ACOT8: variants seen among roughly 807,000 people sequenced by gnomAD.
ACOT8 encodes the protein acyl-CoA thioesterase 8.
In ACOT8, 31 loss-of-function variants were observed where a neutral mutation model predicts 38.4. The ratio of observed to expected loss-of-function variants is 0.81; its 90% CI spans 0.61 to 1.09. ACOT8 has a LOEUF of 1.09. Among genes scored for constraint, ACOT8 ranks in the 50% least tolerant of loss-of-function variants. The pLI is 0.00. For missense variants in ACOT8, 373 were observed against 421.8 expected, an observed-to-expected ratio of 0.88 and a Z score of 1.01; for synonymous variants, 158 against 170.3, an observed-to-expected ratio of 0.93 and a Z score of 0.56.
chr20:45,857,331 A>C lies in ACOT8; in HGVS notation c.-16T>G. The stretch of plus-strand genomic sequence containing the variant: ...GGGACGACATCTAGTTCAATGCTGC[A>C]GGCCCTGCACACCCGCTCCGCGGAA... On this transcript the variant is annotated 5_prime_UTR_variant, in exon 1 of 6. Coordinates refer to ENST00000217455, the MANE Select transcript of ACOT8 (RefSeq NM_005469.4). 6.3e-7 allele frequency: 1 copy of C among 1,589,554 alleles called. No homozygotes were observed. The highest frequency in any genetic ancestry group is 8.6e-7 in the Non-Finnish European group (1 of 1,169,020).
At chr20:45,853,936 A>G (rs897230408) in intron 2 of ACOT8, 16 of 1,304,320 alleles carry the variant, frequency 1.2e-5, no homozygotes, top group Non-Finnish European at 1.5e-5. Context: ...AAAGGTCCAC[A>G]AACTCTTCTC....
At position 45,857,186 on chromosome 20, in the gene ACOT8, A is replaced by G; in HGVS notation, c.128+2T>C. 6.2e-7 allele frequency: 1 copy of G among 1,612,420 alleles called. No individual in the cohort carries two copies. Among genetic ancestry groups the G allele is most frequent in the Non-Finnish European group, 8.5e-7 (1 of 1,178,918 alleles). The stretch of plus-strand genomic sequence containing the variant: ...GGATGCTGGGCAGGAGCTGCCGGCT[A>G]CCTGAAGAGATCCTCGTCCAGCGGC... On this transcript the variant is annotated splice_donor_variant, in intron 1 of 5. Transcript: ENST00000217455. LOFTEE classifies it high-confidence loss of function.
At chr20:45,844,564 G>A (rs1438370872) in intron 3 of ACOT8, 144 bp from the exon 4 acceptor site, 1 of 953,192 alleles carries the variant, frequency 1.0e-6, no homozygotes, top group East Asian at 2.6e-5. Flanking sequence ...GCAGGATAGT[G>A]CAGCGTTTGA....
At chr20:45,843,347 G>A in intron 5 of ACOT8, 180 bp downstream of exon 5, 1 of 854,338 alleles carries the variant, frequency 1.2e-6, no homozygotes, top group Non-Finnish European at 1.9e-6. Flanking sequence ...ATTTAGAGCA[G>A]AGCAGGTGTC....
intron 3 of ACOT8, among the ~76,000 whole-genome samples, chr20:45,845,701 T>G (rs1370558597): frequency 6.6e-6 from 1 of 152,172 alleles, no homozygotes; most frequent in Non-Finnish European, 1.5e-5. Context: ...GGACAGAACC[T>G]CCTATGATGA....
chr20:45,844,162 A>T lies in ACOT8; in HGVS notation c.646+101T>A, dbSNP rs771353298. 18 of 1,515,254 alleles carry T rather than the reference A, an allele frequency of 1.2e-5. 1 individual carries two copies. Among genetic ancestry groups the T allele is most frequent in the Non-Finnish European group, 1.0e-5 (11 of 1,096,294 alleles). 93.9% of individuals were successfully genotyped at this position (1,515,254 alleles called of 1,614,324 possible). ...AACTTCCCCATCATGCAGATAAGGA[A>T]ACAGGCCCAGAGAAGGGAACTCATG... On this transcript the variant is annotated intron_variant, in intron 4 of 5. Coordinates refer to ENST00000217455, the MANE Select transcript of ACOT8 (RefSeq NM_005469.4).
chr20:45,851,893 CT>C (rs1985086242), intron 2 of ACOT8, among the ~76,000 whole-genome samples: 1 of 152,208 alleles, frequency 6.6e-6, no homozygotes, highest in Admixed American at 6.5e-5. Context: ...CTTTCCTGGG[CT>C]TTTAGAAAAA....
intron 5 of ACOT8, chr20:45,843,201 T>A (rs1367502042): frequency 1.2e-5 from 6 of 492,038 alleles, no homozygotes; most frequent in Non-Finnish European, 2.1e-5. Context: ...TGTAACCCTC[T>A]TTGTTTAGAT....
At chr20:45,854,096 C>T (rs1172769688) in intron 2 of ACOT8, 3 of 680,140 alleles carry the variant, frequency 4.4e-6, no homozygotes, top group East Asian at 6.6e-5. Flanking sequence ...GACAAGGTCT[C>T]GATTTATTGC....
rs1984484926 is a variant in ACOT8 at position 45,844,122 on chromosome 20, G to A, written c.646+141C>T. On this transcript the variant is annotated intron_variant, in intron 4 of 5. Coordinates refer to ENST00000217455, the MANE Select transcript of ACOT8 (RefSeq NM_005469.4). ...CATGCAAAGGGCTGAGAGGGCCCAG[G>A]TGAGAAGCTAAGCCAACTTCCCCAT... is the stretch of plus-strand genomic sequence containing the variant. 4 of 1,185,526 alleles carry A rather than the reference G, an allele frequency of 3.4e-6. No individual in the cohort carries two copies. The East Asian group carries it at 7.5e-5, about 22-fold the overall frequency. 73.4% of individuals were successfully genotyped at this position (1,185,526 alleles called of 1,614,324 possible). A position where few individuals can be genotyped will look rare whatever the true frequency, so the allele number is the denominator to read the frequency against.
At chr20:45,854,399 A>T (rs1466194320) in intron 2 of ACOT8, among the ~76,000 whole-genome samples, 1 of 152,066 alleles carries the variant, frequency 6.6e-6, no homozygotes, top group East Asian at 1.9e-4. Flanking sequence ...TTTAGTAGAG[A>T]CGGGGTTTCA....
intron 5 of ACOT8, chr20:45,843,138 G>C (rs752961489): frequency 6.9e-6 from 6 of 870,294 alleles, no homozygotes; most frequent in South Asian, 1.8e-5. Flanking sequence ...TTTTGAAAAG[G>C]CATCCCCAAA....
intron 3 of ACOT8, 43 bp from the exon 4 acceptor site, chr20:45,844,463 G>A: frequency 6.2e-7 from 1 of 1,602,634 alleles, no homozygotes; most frequent in Non-Finnish European, 8.5e-7. Flanking sequence ...CCCAGGAAGA[G>A]AGGGAGTCAC....
intron 3 of ACOT8, among the ~76,000 whole-genome samples, chr20:45,844,636 T>C (rs907625871): frequency 6.6e-5 from 10 of 152,142 alleles, no homozygotes; most frequent in African/African-American, 2.4e-4. Context: ...TGAGTCTATT[T>C]TCCCATCTGC....
intron 5 of ACOT8, chr20:45,842,406 A>G (rs1206862977): frequency 3.4e-6 from 4 of 1,193,120 alleles, no homozygotes; most frequent in Non-Finnish European, 4.2e-6. Flanking sequence ...TGTACCTCTG[A>G]CCACTTGTGT....
At chr20:45,852,536 TA>T (rs1187217704) in intron 2 of ACOT8, among the ~76,000 whole-genome samples, 1 of 152,116 alleles carries the variant, frequency 6.6e-6, no homozygotes, top group Non-Finnish European at 1.5e-5. Flanking sequence ...CACAAACAGA[TA>T]AGAGCTCTCC....
At chr20:45,852,725 C>T (rs1023477720) in intron 2 of ACOT8, among the ~76,000 whole-genome samples, 1 of 152,092 alleles carries the variant, frequency 6.6e-6, no homozygotes, top group Non-Finnish European at 1.5e-5. Context: ...TATCTTGCAG[C>T]CTTTCAAGAC....
chr20:45,846,217 G>A (rs1156374941), intron 3 of ACOT8, among the ~76,000 whole-genome samples: 1 of 152,156 alleles, frequency 6.6e-6, no homozygotes, highest in African/African-American at 2.4e-5. Context: ...CTAAATTCAA[G>A]GTCCTTTAAC....
chr20:45,844,746 T>A (rs566069670), intron 3 of ACOT8, among the ~76,000 whole-genome samples: 15 of 152,328 alleles, frequency 9.8e-5, no homozygotes, highest in African/African-American at 3.4e-4. Context: ...GCATACCCTG[T>A]AATATGCACT....
Sources: allele counts gnomAD v4.1 joint callset (sites outside exome capture counted in the v4.1 genomes callset), GRCh38; gene constraint gnomAD v4.1.1; transcripts MANE v1.5; gene names NCBI Gene and HGNC (gene_info 2026-07-23, HGNC 2026-07-21).